The following PRDM10 variants were observed in gnomAD, a reference collection of about 807,000 sequenced individuals.
The protein encoded by PRDM10 is PR/SET domain 10.
Under a neutral mutation model 133.1 loss-of-function variants are expected in PRDM10, and 65 were observed. That is an observed-to-expected ratio of 0.49 (90% CI 0.40 to 0.60). The LOEUF (loss-of-function observed/expected upper bound fraction) is 0.60, where lower values mean the gene tolerates loss of function less well. PRDM10 is among the 20% of genes least tolerant of loss of function. The probability of loss-of-function intolerance (pLI) is 0.00; values close to 1 mark genes in which losing one functional copy is unlikely to be tolerated. For missense variants in PRDM10, 1,137 were observed against 1,507.1 expected (o/e 0.75, Z 4.07); for synonymous variants, 582 against 580.4 (o/e 1.00, Z -0.04).
chr11:129,911,703 T>C (rs149736435), intron 18 of PRDM10, among the ~76,000 whole-genome samples: 2,111 of 152,294 alleles, frequency 0.014, 26 homozygotes, highest in Non-Finnish European at 0.021. Flanking sequence ...CTCTCTGAAC[T>C]CTGAGAACTT....
intron 3 of PRDM10, among the ~76,000 whole-genome samples, chr11:129,956,048 C>T (rs759989533): frequency 1.1e-4 from 16 of 151,938 alleles, no homozygotes; most frequent in Non-Finnish European, 2.1e-4. Flanking sequence ...TGTTTATTAT[C>T]AGAAGAGAAG....
intron 1 of PRDM10, among the ~76,000 whole-genome samples, chr11:129,964,620 T>C (rs1412406626): frequency 2.0e-5 from 3 of 152,262 alleles, no homozygotes; most frequent in Non-Finnish European, 2.9e-5. Context: ...TATTGTTCCA[T>C]ATATATACAG....
At position 129,932,214 on chromosome 11, in the gene PRDM10, C is replaced by A; in HGVS notation, c.1175G>T (p.Arg392Met). 6.2e-7 allele frequency: 1 copy of A among 1,614,074 alleles called. No individual in the cohort carries two copies. The highest frequency in any genetic ancestry group is 8.5e-7 in the Non-Finnish European group (1 of 1,179,966). ...DVFSRTRGRG[R>M]GRGKRRFGPG... Reference sequence around the variant, plus strand: ...ACCGAATCGCCTCTTGCCTCGTCCCCTTCCTCTGCCTCTTGTTCTGGGGAC... The same window carrying A: ...ACCGAATCGCCTCTTGCCTCGTCCCATTCCTCTGCCTCTTGTTCTGGGGAC... Residue 392 changes from arginine to methionine, a missense_variant, in exon 10 of 21, where the codon AGG becomes ATG. By Grantham distance (91) the Arg-to-Met change is moderately conservative. This residue lies in a region of PRDM10 where 635 missense variants were observed against 835.2 expected (regional missense o/e 0.76). Coordinates refer to ENST00000360871, the MANE Select transcript of PRDM10 (RefSeq NM_199437.2).
At chr11:129,967,154 G>T (rs1354023062) in intron 1 of PRDM10, among the ~76,000 whole-genome samples, 1 of 152,172 alleles carries the variant, frequency 6.6e-6, no homozygotes, top group South Asian at 2.1e-4. Context: ...ACTTTGGGAG[G>T]CCGAGGTGGG....
At chr11:129,941,815 G>A (rs1000197346) in intron 7 of PRDM10, among the ~76,000 whole-genome samples, 4 of 152,188 alleles carry the variant, frequency 2.6e-5, no homozygotes, top group Non-Finnish European at 4.4e-5. Flanking sequence ...TATGATATTC[G>A]TAGGTTGAGT....
At chr11:129,948,183 T>C (rs1479106964) in intron 4 of PRDM10, 3 of 429,496 alleles carry the variant, frequency 7.0e-6, no homozygotes, top group Non-Finnish European at 9.3e-6. Context: ...AAAATAAAAA[T>C]GGTACCTTAA....
intron 1 of PRDM10, among the ~76,000 whole-genome samples, chr11:129,992,618 T>C (rs1372364331): frequency 6.6e-6 from 1 of 152,058 alleles, no homozygotes; most frequent in Non-Finnish European, 1.5e-5. Flanking sequence ...CCAGAGGAGG[T>C]TGTAATTCAC....
intron 1 of PRDM10, among the ~76,000 whole-genome samples, chr11:130,001,953 G>A (rs932479455): frequency 4.6e-5 from 7 of 151,458 alleles, no homozygotes; most frequent in African/African-American, 9.7e-5. Flanking sequence ...CACCCCTGCG[G>A]GCCGGCCCCC....
At chr11:130,001,074 T>C (rs770002119) in intron 1 of PRDM10, among the ~76,000 whole-genome samples, 1 of 152,296 alleles carries the variant, frequency 6.6e-6, no homozygotes, top group Non-Finnish European at 1.5e-5. Context: ...GCCACTGCAC[T>C]CTAGCCTGGG....
At position 129,915,939 on chromosome 11, in the gene PRDM10, T is replaced by C. The variant is rs1264646891; in HGVS notation, c.2326-79A>G. 6 of 1,391,666 alleles carry C rather than the reference T, an allele frequency of 4.3e-6. No homozygotes were observed. The East Asian group carries it at 7.0e-5, about 16-fold the overall frequency. The allele number at this position is 1,391,666 out of a possible 1,614,324, so 86.2% of individuals were successfully genotyped here. On this transcript the variant is annotated intron_variant, in intron 15 of 20. Coordinates refer to ENST00000360871, the MANE Select transcript of PRDM10 (RefSeq NM_199437.2). Reference sequence around the variant, plus strand: ...TTAAAGCAAACTAACAATTTCATTATAAGAAAATGAGGAAAAGTATTCATG... The same window carrying C: ...TTAAAGCAAACTAACAATTTCATTACAAGAAAATGAGGAAAAGTATTCATG...
At chr11:129,931,502 T>G (rs1022765760) in intron 10 of PRDM10, among the ~76,000 whole-genome samples, 39 of 152,308 alleles carry the variant, frequency 2.6e-4, no homozygotes, top group African/African-American at 9.4e-4. Flanking sequence ...TTGTTTAAAC[T>G]AATTAAACAA....
chr11:129,953,485 G>A (rs910391041), intron 4 of PRDM10, among the ~76,000 whole-genome samples: 2 of 149,128 alleles, frequency 1.3e-5, no homozygotes, highest in African/African-American at 2.5e-5. Context: ...GTAGAGACAG[G>A]GTTTCACCAT....
intron 19 of PRDM10, among the ~76,000 whole-genome samples, chr11:129,908,052 A>T (rs900809761): frequency 6.6e-6 from 1 of 151,700 alleles, no homozygotes; most frequent in African/African-American, 2.4e-5. Flanking sequence ...GTGAGCTATG[A>T]TCACACCACT....
rs780666617 is a variant in PRDM10, at chr11:129,918,520, G to A, written c.2214+19C>T. On this transcript the variant is annotated intron_variant, in intron 14 of 20. Coordinates refer to ENST00000360871, the MANE Select transcript of PRDM10 (RefSeq NM_199437.2). This position sits in a 1 kb window ranked among gnomAD's most constrained non-coding sequence, Gnocchi z 5.3. ...GTATGCTGGGAAGACAGAGGAACCCGCAGCCACTGGGCACTGACCAGCATG... is the reference window on the plus strand; with the variant it reads ...GTATGCTGGGAAGACAGAGGAACCCACAGCCACTGGGCACTGACCAGCATG... 44 of 1,606,648 alleles carry A rather than the reference G, an allele frequency of 2.7e-5. No homozygotes were observed. The South Asian group carries it at 3.7e-4, about 13-fold the overall frequency.
intron 1 of PRDM10, among the ~76,000 whole-genome samples, chr11:129,962,408 T>C (rs1951813668): frequency 6.6e-6 from 1 of 152,214 alleles, no homozygotes; most frequent in African/African-American, 2.4e-5. Flanking sequence ...GCCATCCAGG[T>C]GCCTGTTCCT....
chr11:129,949,613 G>A (rs528618356), intron 4 of PRDM10, among the ~76,000 whole-genome samples: 1 of 152,096 alleles, frequency 6.6e-6, no homozygotes, highest in Non-Finnish European at 1.5e-5. Flanking sequence ...CATCTTAATC[G>A]AAGAACTTAT....
chr11:129,935,001 A>C, intron 9 of PRDM10, 100 bp downstream of exon 9: 1 of 1,013,430 alleles, frequency 9.9e-7, no homozygotes, highest in Non-Finnish European at 1.5e-6. Flanking sequence ...TTACCTATCT[A>C]TACATGACAC....
intron 6 of PRDM10, 130 bp downstream of exon 6, chr11:129,944,641 A>C (rs1378037719): frequency 8.1e-6 from 11 of 1,359,618 alleles, no homozygotes; most frequent in Non-Finnish European, 1.1e-5. Flanking sequence ...CATTTAACCA[A>C]GTTAAGATAG....
At position 129,902,278 on chromosome 11, in the gene PRDM10, G is replaced by A; in HGVS notation, c.*35C>T. 2 of 1,605,496 alleles carry A rather than the reference G, an allele frequency of 1.2e-6. No individual in the cohort carries two copies. Among genetic ancestry groups the A allele is most frequent in the East Asian group, 2.2e-5 (1 of 44,808 alleles). On this transcript the variant is annotated 3_prime_UTR_variant, in exon 21 of 21. Coordinates refer to ENST00000360871, the MANE Select transcript of PRDM10 (RefSeq NM_199437.2). Reference sequence around the variant, plus strand: ...CTTTCAGACTTATGAGAACAGACATGAGGTGGGTGCTGGATTCAAGCTCCA... The same window carrying A: ...CTTTCAGACTTATGAGAACAGACATAAGGTGGGTGCTGGATTCAAGCTCCA...
Sources: gnomAD v4.1 joint callset for allele counts (sites outside exome capture counted in the v4.1 genomes callset) on GRCh38, gnomAD v4.1.1 for gene constraint, gnomAD v4.1.1 regional missense constraint, Gnocchi (gnomAD v3.1) non-coding constraint, MANE v1.5 for transcripts, NCBI Gene and HGNC (gene_info 2026-07-23, HGNC 2026-07-21) for gene names.